The following TAOK3 variants were observed in gnomAD, a reference collection of about 807,000 sequenced individuals.
TAOK3 encodes TAO kinase 3, also known as serine/threonine-protein kinase TAO3.
Under a neutral mutation model 120.4 loss-of-function variants are expected in TAOK3, and 40 were observed. The ratio of observed to expected loss-of-function variants is 0.33; its 90% confidence interval spans 0.26 to 0.43. The LOEUF (loss-of-function observed/expected upper bound fraction) is 0.43, where lower values mean the gene tolerates loss of function less well. Ranked by LOEUF, TAOK3 falls within the 20% of genes least tolerant of loss-of-function variation. The pLI, the probability that TAOK3 is intolerant of heterozygous loss-of-function variation, is 1.00. For synonymous variants in TAOK3, 355 were observed against 387.5 expected (o/e 0.92, Z 0.99); for missense variants, 821 against 1,112.1 (o/e 0.74, Z 3.72).
intron 1 of TAOK3, among the ~76,000 whole-genome samples, chr12:118,307,881 G>T (rs961416469): frequency 6.6e-6 from 1 of 151,522 alleles, no homozygotes; most frequent in East Asian, 1.9e-4. Context: ...TGGCCATAGC[G>T]AAAAAGGGTT....
chr12:118,201,291 C>T lies in TAOK3; in HGVS notation c.987+5G>A. The T allele has an allele frequency of 6.2e-7, 1 of 1,610,364 alleles. No homozygotes were observed. Among genetic ancestry groups the T allele is most frequent in the Non-Finnish European group, 8.5e-7 (1 of 1,178,442 alleles). On this transcript the variant is annotated splice_donor_5th_base_variant and intron_variant, in intron 12 of 20. Transcript: ENST00000392533. ...TAAGTGCCTGCTAAAATAAATTGAA[C>T]CTACTTCCTCATCCTCCTGTGACTC...
At chr12:118,298,556 G>A (rs528200802) in intron 1 of TAOK3, among the ~76,000 whole-genome samples, 1 of 152,252 alleles carries the variant, frequency 6.6e-6, no homozygotes, top group East Asian at 1.9e-4. Flanking sequence ...CTTGTGTTTT[G>A]AGATAAAAAT....
At chr12:118,216,336 G>A (rs751394895) in intron 9 of TAOK3, among the ~76,000 whole-genome samples, 2 of 152,110 alleles carry the variant, frequency 1.3e-5, no homozygotes, top group Non-Finnish European at 2.9e-5. Flanking sequence ...AGCCCACCAC[G>A]ATCTCTTTAT....
chr12:118,270,461 A>G (rs753559249), intron 1 of TAOK3, among the ~76,000 whole-genome samples: 7 of 152,154 alleles, frequency 4.6e-5, no homozygotes, highest in Non-Finnish European at 8.8e-5. Context: ...TAATAATAAT[A>G]ACTTTACCTA....
chr12:118,288,915 CA>C (rs34740967), intron 1 of TAOK3, among the ~76,000 whole-genome samples: 53,281 of 94,230 alleles, frequency 0.57, 12,977 homozygotes, highest in East Asian at 0.75. Flanking sequence ...GACTCTATCT[CA>C]AAAAAAAAAA....
intron 1 of TAOK3, among the ~76,000 whole-genome samples, chr12:118,309,327 CAAA>C (rs771231916): frequency 7.0e-5 from 5 of 71,092 alleles, no homozygotes; most frequent in Admixed American, 1.6e-4. Context: ...AGACTGTCTC[CAAA>C]AAAAAAAAAA....
At chr12:118,363,755 T>A (rs12301179) in intron 1 of TAOK3, among the ~76,000 whole-genome samples, 6,097 of 141,602 alleles carry the variant, frequency 0.043, 176 homozygotes, top group Middle Eastern at 0.088. Context: ...TGTGTGTGTG[T>A]GAGAGAGAGA....
At chr12:118,301,868 A>G in intron 1 of TAOK3, among the ~76,000 whole-genome samples, 1 of 151,306 alleles carries the variant, frequency 6.6e-6, no homozygotes, top group East Asian at 2.0e-4. Context: ...AAAAAATTCA[A>G]ACCTCAAAGC....
chr12:118,202,090 G>C (rs2038052652), intron 11 of TAOK3, among the ~76,000 whole-genome samples: 1 of 150,640 alleles, frequency 6.6e-6, no homozygotes, highest in South Asian at 2.1e-4. Flanking sequence ...TGTCTTCTGG[G>C]TTCACATGTA....
chr12:118,314,216 G>GTGA (rs1566104062), intron 1 of TAOK3, among the ~76,000 whole-genome samples: 1 of 152,114 alleles, frequency 6.6e-6, no homozygotes, highest in Non-Finnish European at 1.5e-5. Flanking sequence ...CTAAGTATCT[G>GTGA]TAACTCTGAA....
At chr12:118,289,358 C>T (rs916630623) in intron 1 of TAOK3, among the ~76,000 whole-genome samples, 1 of 145,244 alleles carries the variant, frequency 6.9e-6, no homozygotes, top group Non-Finnish European at 1.5e-5. Context: ...TTTAGAATAA[C>T]TGATCTTTTG....
At chr12:118,357,295 G>A (rs950780808) in intron 1 of TAOK3, among the ~76,000 whole-genome samples, 5 of 152,122 alleles carry the variant, frequency 3.3e-5, no homozygotes, top group Admixed American at 6.5e-5. Context: ...TATATAAATT[G>A]TCCACATGTG....
intron 1 of TAOK3, among the ~76,000 whole-genome samples, chr12:118,354,611 T>C (rs1179341659): frequency 1.3e-5 from 2 of 152,020 alleles, no homozygotes; most frequent in Non-Finnish European, 2.9e-5. Flanking sequence ...GCTCCCACAA[T>C]TCCCAAGCAT....
chr12:118,174,618 A>T (rs1469444433), intron 16 of TAOK3, among the ~76,000 whole-genome samples: 1 of 152,174 alleles, frequency 6.6e-6, no homozygotes, highest in Non-Finnish European at 1.5e-5. Flanking sequence ...CCAGTGGATG[A>T]GTGGACGCGT....
At chr12:118,360,551 C>T (rs2045561673) in intron 1 of TAOK3, among the ~76,000 whole-genome samples, 1 of 125,432 alleles carries the variant, frequency 8.0e-6, no homozygotes, top group Admixed American at 1.1e-4. Flanking sequence ...CCGGGCGACA[C>T]AGCGAGACTC....
intron 9 of TAOK3, among the ~76,000 whole-genome samples, chr12:118,226,498 C>T (rs542433903): frequency 6.7e-6 from 1 of 149,992 alleles, no homozygotes; most frequent in South Asian, 2.1e-4. Flanking sequence ...CGTGCCACTG[C>T]ACTCCAGCCT....
chr12:118,182,577 A>G (rs1203469909), intron 14 of TAOK3, among the ~76,000 whole-genome samples: 1 of 126,850 alleles, frequency 7.9e-6, no homozygotes, highest in Admixed American at 8.4e-5. Flanking sequence ...TTTGTTTTGT[A>G]TATGTGTGTG....
At chr12:118,280,434 C>A (rs1315671914) in intron 1 of TAOK3, among the ~76,000 whole-genome samples, 1 of 152,132 alleles carries the variant, frequency 6.6e-6, no homozygotes, top group Non-Finnish European at 1.5e-5. Context: ...TATCCCAGTA[C>A]TATTTATTAA....
At chr12:118,366,722 T>A (rs2045750613) in intron 1 of TAOK3, among the ~76,000 whole-genome samples, 2 of 152,156 alleles carry the variant, frequency 1.3e-5, no homozygotes, top group Non-Finnish European at 2.9e-5. Context: ...GCATGTAAAT[T>A]CCTACTGCTA....
Sources: allele counts gnomAD v4.1 joint callset (sites outside exome capture counted in the v4.1 genomes callset), GRCh38; gene constraint gnomAD v4.1.1; transcripts MANE v1.5; gene names NCBI Gene and HGNC (gene_info 2026-07-23, HGNC 2026-07-21).